Variants in DMD observed in about 807,000 individuals in gnomAD.
DMD encodes the protein dystrophin, also known as mutant dystrophin.
DMD carries 63 observed loss-of-function variants against 330.1 expected under a neutral mutation model. The observed-to-expected ratio is 0.19, with a 90% CI of 0.16 to 0.24. DMD has a LOEUF of 0.24. Among genes scored for constraint, DMD ranks in the 10% least tolerant of loss-of-function variants. The probability of loss-of-function intolerance (pLI) is 1.00; values close to 1 mark genes in which losing one functional copy is unlikely to be tolerated. For missense variants in DMD, 3,344 were observed against 2,684.1 expected (o/e 1.25, Z -5.43); for synonymous variants, 1,223 against 959.8 (o/e 1.27, Z -5.07).
In DMD at chrX:31,747,726, C is replaced by T. The variant is rs751410584; in HGVS notation, c.7543-17978G>A. On this transcript the variant is annotated intron_variant, in intron 51 of 78. Coordinates refer to ENST00000357033, the MANE Select transcript of DMD (RefSeq NM_004006.3). ...GCTTCTAAACGGTGAGCTTCTAGTT[C>T]TGCTCCAAGAACAAGTACAATCAAT... 2.7e-5 allele frequency among the ~76,000 whole-genome samples: 3 copies of T among 111,976 alleles called. No homozygotes were observed. The East Asian group carries it at 8.4e-4, about 31-fold the overall frequency.
At chrX:31,821,687 C>T (rs188794636) in intron 49 of DMD, among the ~76,000 whole-genome samples, 42 of 112,249 alleles carry the variant, frequency 3.7e-4, no homozygotes, top group African/African-American at 1.3e-3. Flanking sequence ...AATACCTTAC[C>T]AGTATAGTAG....
At position 33,115,767 on chromosome X, in the gene DMD, C is replaced by T. The variant is rs763963349; in HGVS notation, c.31+95515G>A. Among the ~76,000 whole-genome samples the T allele has an allele frequency of 3.6e-5, 4 of 109,997 alleles. No individual in the cohort carries two copies. In the East Asian group the frequency reaches 1.2e-3, roughly 32 times the overall value. On this transcript the variant is annotated intron_variant, in intron 1 of 78. Coordinates refer to ENST00000357033, the MANE Select transcript of DMD (RefSeq NM_004006.3). ...CCTGACCTCGTGATCCGCCGGCCTC[C>T]CAAAGTGCTGGGATTACAGGCGTGA... is the stretch of plus-strand genomic sequence containing the variant.
chrX:32,796,721 T>A (rs2076207785), intron 7 of DMD, among the ~76,000 whole-genome samples: 1 of 111,883 alleles, frequency 8.9e-6, no homozygotes, highest in South Asian at 3.7e-4. Context: ...TGTACATATA[T>A]GTAAAACGTT....
At chrX:32,844,717 A>T (rs1434978488) in intron 4 of DMD, 66 bp downstream of exon 4, 1 of 967,267 alleles carries the variant, frequency 1.0e-6, no homozygotes, top group Non-Finnish European at 1.5e-6. Flanking sequence ...TTGGGGCCAA[A>T]GCCCTCACTC....
In DMD at chrX:31,314,571, G is replaced by A. The variant is rs910132735; in HGVS notation, c.9224+9027C>T. ...CAGAAAACGTGATCATTTGCCGAAT[G>A]CCGACAGTGAGCTAAGTCTCATCTA... On this transcript the variant is annotated intron_variant, in intron 62 of 78. Coordinates refer to ENST00000357033, the MANE Select transcript of DMD (RefSeq NM_004006.3). 5.4e-5 allele frequency among the ~76,000 whole-genome samples: 6 copies of A among 111,313 alleles called. No individual in the cohort carries two copies. The East Asian group carries it at 1.7e-3, about 32-fold the overall frequency.
intron 44 of DMD, among the ~76,000 whole-genome samples, chrX:32,127,762 T>C (rs1210041759): frequency 8.9e-6 from 1 of 112,543 alleles, no homozygotes; most frequent in Non-Finnish European, 1.9e-5. Context: ...TTAAATCACC[T>C]AAATACTCAA....
intron 44 of DMD, among the ~76,000 whole-genome samples, chrX:32,120,535 A>T (rs1192051460): frequency 8.9e-6 from 1 of 112,354 alleles, no homozygotes; most frequent in East Asian, 2.8e-4. Flanking sequence ...TACAGCCTTT[A>T]TCAAGCTGCC....
chrX:32,651,920 C>T (rs1376470458), intron 9 of DMD, among the ~76,000 whole-genome samples: 1 of 111,832 alleles, frequency 8.9e-6, no homozygotes, highest in East Asian at 2.8e-4. Context: ...AACTCTGCGC[C>T]TTCTGTTAAT....
chrX:32,699,934 A>G (rs1460685707), intron 7 of DMD, among the ~76,000 whole-genome samples: 1 of 112,105 alleles, frequency 8.9e-6, no homozygotes, highest in African/African-American at 3.2e-5. Flanking sequence ...CTTCTCAGAC[A>G]TTAGAGACAA....
chrX:33,220,039 A>G (rs1183043825), intron 1 of DMD, among the ~76,000 whole-genome samples: 4 of 111,629 alleles, frequency 3.6e-5, no homozygotes, highest in Non-Finnish European at 7.5e-5. Flanking sequence ...ATAATGTTGG[A>G]ATAGCAATAG....
chrX:32,998,656 C>A (rs1014818460), intron 2 of DMD, among the ~76,000 whole-genome samples: 1 of 110,335 alleles, frequency 9.1e-6, no homozygotes, highest in Non-Finnish European at 1.9e-5. Flanking sequence ...TATATACACA[C>A]ACACACACAA....
At chrX:33,248,536 A>C (rs1037826873) in intron 1 of DMD, among the ~76,000 whole-genome samples, 4 of 111,311 alleles carry the variant, frequency 3.6e-5, no homozygotes, top group Admixed American at 2.9e-4. Flanking sequence ...ATTTTTAGTA[A>C]AACTAATTGT....
intron 1 of DMD, among the ~76,000 whole-genome samples, chrX:33,077,946 C>T (rs1348055563): frequency 1.8e-5 from 2 of 112,252 alleles, no homozygotes; most frequent in Non-Finnish European, 3.8e-5. Flanking sequence ...TCTTACTGTA[C>T]TTGGCCTGAT....
intron 2 of DMD, among the ~76,000 whole-genome samples, chrX:32,853,551 T>C (rs1172013225): frequency 3.6e-5 from 4 of 110,332 alleles, no homozygotes; most frequent in Non-Finnish European, 5.7e-5. Context: ...TTTGTAAACC[T>C]CATGGTAGCC....
At chrX:31,901,691 TACA>T (rs1271679927) in intron 47 of DMD, among the ~76,000 whole-genome samples, 4 of 111,955 alleles carry the variant, frequency 3.6e-5, no homozygotes, top group Non-Finnish European at 7.5e-5. Flanking sequence ...ATAATAATCA[TACA>T]ACATCTTATT....
chrX:31,925,737 T>TG lies in DMD; in HGVS notation c.6912+3858dup, dbSNP rs1391634717. On this transcript the variant is annotated intron_variant, in intron 47 of 78. Transcript: ENST00000357033. ...AAATACAAAAATTAGCCAGGCGTGG[T>TG]GGTGCATGCCTGTAATCCCAGCTAC... Among the ~76,000 whole-genome samples the TG allele has an allele frequency of 2.7e-5, 3 of 109,686 alleles. No homozygotes were observed. The South Asian group carries it at 1.2e-3, about 44-fold the overall frequency.
intron 43 of DMD, among the ~76,000 whole-genome samples, chrX:32,268,433 A>T (rs188250563): frequency 8.9e-4 from 100 of 111,970 alleles, no homozygotes; most frequent in African/African-American, 3.2e-3. Context: ...CTTGTCTAAG[A>T]TAACTCTGAG....
intron 20 of DMD, among the ~76,000 whole-genome samples, chrX:32,487,619 C>T (rs937214912): frequency 3.6e-5 from 4 of 110,884 alleles, no homozygotes; most frequent in Non-Finnish European, 5.7e-5. Context: ...TAAATTCTGT[C>T]ATGGTTGCAA....
intron 2 of DMD, among the ~76,000 whole-genome samples, chrX:32,860,198 A>G (rs2149080038): frequency 8.9e-6 from 1 of 112,193 alleles, no homozygotes; most frequent in Non-Finnish European, 1.9e-5. Flanking sequence ...AAAGTGGAAC[A>G]AATCAAAGTA....
Sources: gnomAD v4.1 joint callset for allele counts (sites outside exome capture counted in the v4.1 genomes callset) on GRCh38, gnomAD v4.1.1 for gene constraint, MANE v1.5 for transcripts, NCBI Gene and HGNC (gene_info 2026-07-23, HGNC 2026-07-21) for gene names.